The following AGBL4 variants were observed in gnomAD, a reference collection of about 807,000 sequenced individuals.
The protein encoded by AGBL4 is cytosolic carboxypeptidase 6.
AGBL4 carries 58 observed loss-of-function variants against 66.4 expected under a neutral mutation model. That is an observed-to-expected ratio of 0.87 (90% CI 0.71 to 1.09). The LOEUF is 1.09. Ranked by LOEUF, AGBL4 falls within the 50% of genes least tolerant of loss-of-function variation. AGBL4 has a pLI of 0.00. For synonymous variants in AGBL4, 234 were observed against 222.9 expected (o/e 1.05, Z -0.44); for missense variants, 579 against 631.0 (o/e 0.92, Z 0.88).
chr1:49,202,976 T>A (rs528304623), intron 4 of AGBL4, among the ~76,000 whole-genome samples: 3 of 150,592 alleles, frequency 2.0e-5, no homozygotes, highest in African/African-American at 7.3e-5. Flanking sequence ...AAAGTAGATA[T>A]AGAAATGGCC....
intron 2 of AGBL4, among the ~76,000 whole-genome samples, chr1:49,787,121 A>G (rs1407808608): frequency 6.6e-6 from 1 of 152,204 alleles, no homozygotes; most frequent in African/African-American, 2.4e-5. Context: ...GACATTTTAA[A>G]CATTTCGCTA....
chr1:48,625,581 G>C (rs1645490642), intron 9 of AGBL4, among the ~76,000 whole-genome samples: 1 of 152,160 alleles, frequency 6.6e-6, no homozygotes, highest in Admixed American at 6.5e-5. Flanking sequence ...TATATGCATA[G>C]TATCTAATCC....
intron 6 of AGBL4, among the ~76,000 whole-genome samples, chr1:48,757,468 G>GGA (rs775622099): frequency 4.9e-4 from 74 of 152,296 alleles, no homozygotes; most frequent in Non-Finnish European, 7.8e-4. Flanking sequence ...AATGGCCAAG[G>GGA]CAATGGTAGA....
chr1:49,495,660 A>G (rs1647486739), intron 3 of AGBL4, among the ~76,000 whole-genome samples: 1 of 152,084 alleles, frequency 6.6e-6, no homozygotes, highest in South Asian at 2.1e-4. Flanking sequence ...ACAATGTACA[A>G]TAATAGGGGT....
intron 3 of AGBL4, among the ~76,000 whole-genome samples, chr1:49,418,846 G>A (rs950375791): frequency 2.0e-5 from 3 of 152,230 alleles, no homozygotes; most frequent in Non-Finnish European, 4.4e-5. Flanking sequence ...TTTGTCCCAA[G>A]TATAATGGGA....
At chr1:49,508,805 G>T (rs1028618441) in intron 3 of AGBL4, among the ~76,000 whole-genome samples, 3 of 151,854 alleles carry the variant, frequency 2.0e-5, no homozygotes, top group Admixed American at 2.0e-4. Flanking sequence ...ATCAGGCATG[G>T]CTAATAGTTT....
intron 9 of AGBL4, among the ~76,000 whole-genome samples, chr1:48,600,800 C>A (rs776525897): frequency 2.6e-5 from 4 of 152,130 alleles, no homozygotes; most frequent in Non-Finnish European, 4.4e-5. Context: ...GCATCAGAAG[C>A]AGCAAGATGA....
intron 11 of AGBL4, among the ~76,000 whole-genome samples, chr1:48,541,522 A>G (rs1644068886): frequency 6.6e-6 from 1 of 152,252 alleles, no homozygotes. Context: ...CTGTAATCTC[A>G]GCACTTTGGG....
At chr1:49,737,095 T>A (rs970779887) in intron 2 of AGBL4, among the ~76,000 whole-genome samples, 8 of 151,920 alleles carry the variant, frequency 5.3e-5, no homozygotes, top group African/African-American at 1.9e-4. Context: ...AAAATGTAAA[T>A]TAGTCCAGCC....
At chr1:48,624,033 T>C (rs1317833634) in intron 9 of AGBL4, among the ~76,000 whole-genome samples, 1 of 152,032 alleles carries the variant, frequency 6.6e-6, no homozygotes, top group African/African-American at 2.4e-5. Flanking sequence ...TTGAAACCAG[T>C]GTAAATTGAA....
intron 3 of AGBL4, among the ~76,000 whole-genome samples, chr1:49,321,699 G>C (rs1194316724): frequency 6.6e-6 from 1 of 152,138 alleles, no homozygotes; most frequent in Non-Finnish European, 1.5e-5. Context: ...TAGGAGAAAG[G>C]GTTTATAATG....
intron 6 of AGBL4, among the ~76,000 whole-genome samples, chr1:48,737,329 G>A (rs867710622): frequency 2.6e-5 from 4 of 152,116 alleles, no homozygotes; most frequent in Admixed American, 2.0e-4. Context: ...TCATCAGTTC[G>A]TGGGCCCCAC....
chr1:49,828,992 C>T (rs1645584134), intron 2 of AGBL4, among the ~76,000 whole-genome samples: 2 of 151,708 alleles, frequency 1.3e-5, no homozygotes, highest in South Asian at 4.1e-4. Flanking sequence ...TGGCGTGAAC[C>T]CGGGAGGCGG....
intron 3 of AGBL4, among the ~76,000 whole-genome samples, chr1:49,292,006 T>C (rs867326016): frequency 7.2e-5 from 11 of 152,242 alleles, no homozygotes; most frequent in Non-Finnish European, 8.8e-5. Context: ...CCCTGCACTC[T>C]TGAGGGCCCA....
chr1:49,696,195 T>G (rs1334208092), intron 3 of AGBL4, among the ~76,000 whole-genome samples: 1 of 152,172 alleles, frequency 6.6e-6, no homozygotes, highest in African/African-American at 2.4e-5. Context: ...GTACAAAGCT[T>G]GTACAGAGTC....
At chr1:48,604,834 C>A (rs1456470633) in intron 9 of AGBL4, among the ~76,000 whole-genome samples, 1 of 152,126 alleles carries the variant, frequency 6.6e-6, no homozygotes, top group East Asian at 1.9e-4. Context: ...AAGGGTTGGA[C>A]AAGGAGGTGT....
At chr1:48,644,701 AG>A (rs1346827660) in intron 8 of AGBL4, among the ~76,000 whole-genome samples, 1 of 152,204 alleles carries the variant, frequency 6.6e-6, no homozygotes, top group East Asian at 1.9e-4. Context: ...GGATGCAGGA[AG>A]GGGCAAGGTG....
downstream of AGBL4, among the ~76,000 whole-genome samples, chr1:48,528,764 T>G (rs1189933886): frequency 2.0e-5 from 3 of 152,120 alleles, no homozygotes; most frequent in African/African-American, 7.2e-5. Flanking sequence ...GCAGAGAAGA[T>G]CTGTATGATT....
chr1:48,721,171 A>G (rs1272892611), intron 6 of AGBL4, among the ~76,000 whole-genome samples: 1 of 152,046 alleles, frequency 6.6e-6, no homozygotes, highest in Non-Finnish European at 1.5e-5. Flanking sequence ...ATTCCAGAAA[A>G]TCATTTAAAT....
Sources: gnomAD v4.1 joint callset for allele counts (sites outside exome capture counted in the v4.1 genomes callset) on GRCh38, gnomAD v4.1.1 for gene constraint, MANE v1.5 for transcripts, NCBI Gene and HGNC (gene_info 2026-07-23, HGNC 2026-07-21) for gene names.